Variants in CCSER1 observed in about 807,000 individuals in gnomAD.
The protein encoded by CCSER1 is coiled-coil serine rich protein 1.
CCSER1 carries 41 observed loss-of-function variants against 82.0 expected under a neutral mutation model. The observed-to-expected ratio is 0.50, with a 90% CI of 0.39 to 0.65. The LOEUF (loss-of-function observed/expected upper bound fraction) is 0.65. Among genes scored for constraint, CCSER1 ranks in the 30% least tolerant of loss-of-function variants. The pLI is 0.00. For missense variants in CCSER1, 1,119 were observed against 1,064.2 expected (o/e 1.05, Z -0.72); for synonymous variants, 414 against 383.9 (o/e 1.08, Z -0.92).
intron 7 of CCSER1, among the ~76,000 whole-genome samples, chr4:90,748,740 G>T (rs1356004744): frequency 4.7e-5 from 7 of 149,346 alleles, no homozygotes; most frequent in African/African-American, 1.7e-4. Flanking sequence ...TAACTGGTGT[G>T]AGATGGTATC....
chr4:90,932,918 GAAAGAAAGAA>G (rs1561384047), intron 9 of CCSER1, among the ~76,000 whole-genome samples: 2 of 18,590 alleles, frequency 1.1e-4, no homozygotes, highest in Admixed American at 5.7e-4. Context: ...GAGAAAGAAA[GAAAGAAAGAA>G]AGAAAGAAAG....
chr4:90,428,686 G>C (rs1391340520), intron 4 of CCSER1, among the ~76,000 whole-genome samples: 3 of 151,880 alleles, frequency 2.0e-5, no homozygotes, highest in Non-Finnish European at 4.4e-5. Context: ...TGTTCTTGCT[G>C]TCTTATTGGG....
chr4:91,013,415 C>T (rs1199543329), intron 9 of CCSER1, among the ~76,000 whole-genome samples: 1 of 132,592 alleles, frequency 7.5e-6, no homozygotes, highest in Non-Finnish European at 1.7e-5. Context: ...TATTCTGATC[C>T]ATTGTTCTAT....
intron 10 of CCSER1, among the ~76,000 whole-genome samples, chr4:91,301,359 G>A (rs1038098731): frequency 2.0e-5 from 3 of 151,480 alleles, no homozygotes; most frequent in Non-Finnish European, 4.4e-5. Flanking sequence ...ATATTAAAAA[G>A]GAGAATTAAT....
At chr4:90,820,504 C>A (rs936254796) in intron 8 of CCSER1, among the ~76,000 whole-genome samples, 1 of 152,068 alleles carries the variant, frequency 6.6e-6, no homozygotes, top group Non-Finnish European at 1.5e-5. Context: ...TGAATCTGCT[C>A]CTGCAAGCCC....
intron 10 of CCSER1, among the ~76,000 whole-genome samples, chr4:91,488,157 A>G (rs2110063129): frequency 6.6e-6 from 1 of 152,258 alleles, no homozygotes; most frequent in East Asian, 1.9e-4. Context: ...AATATTTTCT[A>G]TTTATTTGTT....
chr4:91,523,239 G>A (rs890060306), intron 10 of CCSER1, among the ~76,000 whole-genome samples: 5 of 152,180 alleles, frequency 3.3e-5, no homozygotes, highest in Admixed American at 2.6e-4. Context: ...TGATCATGGT[G>A]GATAAGCTTT....
intron 9 of CCSER1, among the ~76,000 whole-genome samples, chr4:91,001,495 CTCT>C (rs375495904): frequency 2.0e-5 from 3 of 151,994 alleles, no homozygotes; most frequent in Admixed American, 1.3e-4. Flanking sequence ...TCATCTTTTC[CTCT>C]TCTTCTTTTC....
chr4:91,415,184 G>A (rs1171775709), intron 10 of CCSER1, among the ~76,000 whole-genome samples: 2 of 152,080 alleles, frequency 1.3e-5, no homozygotes, highest in Non-Finnish European at 2.9e-5. Context: ...GTGAATGGGA[G>A]TTCATTCATG....
chr4:91,431,593 GA>G (rs1374579077), intron 10 of CCSER1, among the ~76,000 whole-genome samples: 3 of 151,808 alleles, frequency 2.0e-5, no homozygotes, highest in Non-Finnish European at 4.4e-5. Flanking sequence ...TCAGCCTCCC[GA>G]GTAGCTGGGA....
At chr4:90,986,407 C>T (rs1400321294) in intron 9 of CCSER1, among the ~76,000 whole-genome samples, 1 of 151,716 alleles carries the variant, frequency 6.6e-6, no homozygotes, top group Non-Finnish European at 1.5e-5. Flanking sequence ...TGAATGTCCT[C>T]AATTTTATAA....
intron 7 of CCSER1, among the ~76,000 whole-genome samples, chr4:90,774,033 A>T (rs575756706): frequency 6.6e-6 from 1 of 152,162 alleles, no homozygotes; most frequent in Non-Finnish European, 1.5e-5. Context: ...AAATACTGTA[A>T]GTGCCTTGGG....
At chr4:90,604,192 C>T (rs931071215) in intron 5 of CCSER1, among the ~76,000 whole-genome samples, 4 of 152,164 alleles carry the variant, frequency 2.6e-5, no homozygotes, top group Non-Finnish European at 5.9e-5. Flanking sequence ...GGATAAGATT[C>T]AAAACCAGCT....
In CCSER1 at chr4:90,309,586, A is replaced by G; in HGVS notation, c.1302A>G (p.Gly434=). The stretch of plus-strand genomic sequence containing the variant: ...ATATTTTTAACAAAACATCACATGG[A>G]TATGAAGCAAATCCTGCCAAAGGTA... ...DHHIFNKTSH[G]YEANPAKVLA... is the part of the protein sequence containing the mutation. Residue 434 remains glycine (G), a synonymous_variant, in exon 2 of 11, where the codon GGA becomes GGG. Transcript: ENST00000509176. 1.3e-6 allele frequency: 2 copies of G among 1,590,458 alleles called. No homozygotes were observed. Among genetic ancestry groups the G allele is most frequent in the Non-Finnish European group, 1.7e-6 (2 of 1,170,598 alleles).
chr4:90,333,766 CAA>C (rs1289256555), intron 3 of CCSER1, among the ~76,000 whole-genome samples: 1 of 152,114 alleles, frequency 6.6e-6, no homozygotes, highest in Non-Finnish European at 1.5e-5. Flanking sequence ...TAAATTGGTT[CAA>C]AGAGCATTTG....
intron 1 of CCSER1, among the ~76,000 whole-genome samples, chr4:90,300,524 G>A (rs1164235587): frequency 6.6e-6 from 1 of 152,118 alleles, no homozygotes; most frequent in Admixed American, 6.6e-5. Context: ...AACTGCATGT[G>A]TGCGTAAAAA....
intron 10 of CCSER1, among the ~76,000 whole-genome samples, chr4:91,160,952 G>A (rs1405733575): frequency 6.6e-6 from 1 of 152,054 alleles, no homozygotes; most frequent in Non-Finnish European, 1.5e-5. Context: ...ATTGCTTTTG[G>A]TGTTTTAGTC....
At chr4:91,520,475 G>A (rs1410197333) in intron 10 of CCSER1, among the ~76,000 whole-genome samples, 1 of 151,900 alleles carries the variant, frequency 6.6e-6, no homozygotes, top group Non-Finnish European at 1.5e-5. Context: ...ACATCTTTAT[G>A]TATCACAATC....
chr4:91,283,615 T>A (rs2149206373), intron 10 of CCSER1, among the ~76,000 whole-genome samples: 1 of 152,202 alleles, frequency 6.6e-6, no homozygotes, highest in Non-Finnish European at 1.5e-5. Flanking sequence ...TTATATATAT[T>A]TTTTACTTAA....
Sources: gnomAD v4.1 joint callset for allele counts (sites outside exome capture counted in the v4.1 genomes callset) on GRCh38, gnomAD v4.1.1 for gene constraint, MANE v1.5 for transcripts, NCBI Gene and HGNC (gene_info 2026-07-23, HGNC 2026-07-21) for gene names.